The following DDX42 variants were observed in gnomAD, a reference collection of about 807,000 sequenced individuals.
The protein encoded by DDX42 is DEAD-box helicase 42.
Under a neutral mutation model 101.5 loss-of-function variants are expected in DDX42, and 22 were observed. The observed-to-expected ratio is 0.22, with a 90% CI of 0.15 to 0.31. DDX42 has a LOEUF of 0.31. DDX42 is among the 10% of genes least tolerant of loss of function. The pLI is 1.00. For synonymous variants in DDX42, 402 were observed against 401.2 expected (o/e 1.00, Z -0.02); for missense variants, 849 against 1,199.9 (o/e 0.71, Z 4.32).
chr17:63,800,575 C>T lies in DDX42; in HGVS notation c.579C>T (p.Thr193=). ...GTGACGGAAATCCAATTGCACCTAC[C>T]AAAAAAATCATTGATCCTCTTCCCC... ...YDSDGNPIAP[T]KKIIDPLPPI... The change falls in exon 6 of 18, where the codon ACC becomes ACT. Residue 193 remains threonine, a synonymous_variant. Transcript: ENST00000389924. 1.2e-6 allele frequency: 2 copies of T among 1,613,812 alleles called. No individual in the cohort carries two copies.
chr17:63,783,734 G>T (rs1598323024), intron 1 of DDX42, among the ~76,000 whole-genome samples: 1 of 152,046 alleles, frequency 6.6e-6, no homozygotes, highest in South Asian at 2.1e-4. Context: ...GGAGTTAAGG[G>T]TCTAAGTAGA....
chr17:63,803,316 C>T (rs893018121), intron 6 of DDX42, among the ~76,000 whole-genome samples: 2 of 151,762 alleles, frequency 1.3e-5, no homozygotes, highest in African/African-American at 2.4e-5. Flanking sequence ...GGGCTGGGTG[C>T]GGTGGCTCAT....
intron 1 of DDX42, among the ~76,000 whole-genome samples, chr17:63,780,342 T>A (rs1423762158): frequency 6.6e-6 from 1 of 151,844 alleles, no homozygotes; most frequent in African/African-American, 2.4e-5. Flanking sequence ...GTCAAGAGAC[T>A]TAAGTAATGA....
intron 1 of DDX42, among the ~76,000 whole-genome samples, chr17:63,776,517 C>T (rs930269090): frequency 1.3e-5 from 2 of 152,126 alleles, no homozygotes; most frequent in Non-Finnish European, 2.9e-5. Context: ...GAAATTGGTT[C>T]TTCAGAAATA....
chr17:63,793,046 T>G (rs2039648242), intron 3 of DDX42, among the ~76,000 whole-genome samples: 1 of 152,208 alleles, frequency 6.6e-6, no homozygotes, highest in Non-Finnish European at 1.5e-5. Flanking sequence ...TTTGTGATTT[T>G]GTGTTATTTT....
In DDX42 at chr17:63,808,362, C is replaced by T. The variant is rs903440844; in HGVS notation, c.1024-458C>T. Among the ~76,000 whole-genome samples the T allele has an allele frequency of 5.3e-5, 8 of 151,988 alleles. No homozygotes were observed. In the South Asian group the frequency reaches 8.3e-4, roughly 16 times the overall value. The stretch of plus-strand genomic sequence containing the variant: ...CTAATTTTTTTATTTTTAGTAGAGA[C>T]GGGGTTTCACCATGTTGGCCAGGCT... On this transcript the variant is annotated intron_variant, in intron 9 of 17. Coordinates refer to ENST00000389924, the MANE Select transcript of DDX42 (RefSeq NM_203499.3).
intron 2 of DDX42, among the ~76,000 whole-genome samples, chr17:63,788,310 CTTTTTTTTTT>C (rs370584285): frequency 1.6e-4 from 19 of 121,484 alleles, no homozygotes; most frequent in Non-Finnish European, 2.4e-4. Context: ...ACATCTGAGT[CTTTTTTTTTT>C]TTTTTTTTGA....
In DDX42 at chr17:63,778,423, C is replaced by T. The variant is rs1366636606; in HGVS notation, c.-17+4047C>T. ...CTGACTTAAGTCTGCAATAGCTTGC[C>T]TCTTACCCTCTTGCTTGCTTTTCAT... On this transcript the variant is annotated intron_variant, in intron 1 of 17. Coordinates refer to ENST00000389924, the MANE Select transcript of DDX42 (RefSeq NM_203499.3). 2.0e-5 allele frequency among the ~76,000 whole-genome samples: 3 copies of T among 152,286 alleles called. No homozygotes were observed. The East Asian group carries it at 5.8e-4, about 29-fold the overall frequency.
At chr17:63,810,148 C>T (rs934627485) in intron 11 of DDX42, 17 of 205,504 alleles carry the variant, frequency 8.3e-5, no homozygotes, top group African/African-American at 1.2e-4. Flanking sequence ...TGCAGTGCAG[C>T]GGTGCGATCT....
At chr17:63,784,771 TAAAA>T (rs1301389212) in intron 1 of DDX42, among the ~76,000 whole-genome samples, 3 of 138,720 alleles carry the variant, frequency 2.2e-5, no homozygotes, top group African/African-American at 5.0e-5. Context: ...GAACTTGTCT[TAAAA>T]AAAGATTTTT....
chr17:63,809,733 G>T, intron 11 of DDX42, 74 bp downstream of exon 11: 2 of 1,241,942 alleles, frequency 1.6e-6, no homozygotes, highest in Non-Finnish European at 2.4e-6. Flanking sequence ...TTTCTAGACT[G>T]TTTTTTCAGC....
At position 63,806,667 on chromosome 17, in the gene DDX42, T is replaced by C. The variant is rs757203747; in HGVS notation, c.846+13T>C. 16 of 1,592,680 alleles carry C rather than the reference T, an allele frequency of 1.0e-5. No homozygotes were observed. The highest frequency in any genetic ancestry group is 2.7e-5 in the African/African-American group (2 of 73,770). On this transcript the variant is annotated intron_variant, in intron 8 of 17. Transcript: ENST00000389924. The stretch of plus-strand genomic sequence containing the variant: ...AATACAGTGCCAGGTAAGTAAAACA[T>C]AATGAAAGAAAAATAAAGTAGGGTA...
At chr17:63,775,658 G>A (rs1281014966) in intron 1 of DDX42, among the ~76,000 whole-genome samples, 1 of 152,126 alleles carries the variant, frequency 6.6e-6, no homozygotes, top group Non-Finnish European at 1.5e-5. Context: ...AAGCTGGCCC[G>A]TTAAGAGTGT....
chr17:63,790,254 A>G (rs982975090), intron 2 of DDX42, among the ~76,000 whole-genome samples: 3 of 152,220 alleles, frequency 2.0e-5, no homozygotes, highest in Non-Finnish European at 4.4e-5. Context: ...ATCGTATAGT[A>G]TATAGCGTGA....
intron 10 of DDX42, 130 bp downstream of exon 10, chr17:63,809,078 G>T: frequency 7.5e-7 from 1 of 1,338,500 alleles, no homozygotes; most frequent in African/African-American, 1.5e-5. Context: ...ACGGCAGGCT[G>T]TGGTTTTAAT....
chr17:63,802,676 C>T (rs1400417196), intron 6 of DDX42, among the ~76,000 whole-genome samples: 1 of 151,798 alleles, frequency 6.6e-6, no homozygotes, highest in South Asian at 2.1e-4. Flanking sequence ...TTTGGGAGGC[C>T]GAGGCGGGTG....
intron 11 of DDX42, 31 bp downstream of exon 11, chr17:63,809,690 C>A (rs1258045371): frequency 6.4e-7 from 1 of 1,562,704 alleles, no homozygotes; most frequent in African/African-American, 1.4e-5. Context: ...TCTTCTGTCC[C>A]CATCCTCATG....
intron 2 of DDX42, among the ~76,000 whole-genome samples, chr17:63,787,646 C>T (rs1240448993): frequency 6.6e-6 from 1 of 152,032 alleles, no homozygotes; most frequent in South Asian, 2.1e-4. Context: ...TGAGAACAGC[C>T]TGGCCAATAT....
Position 63,815,593 on chromosome 17 carries a change from G to T in DDX42, c.1933G>T (p.Gly645Ter). The T allele has an allele frequency of 6.2e-7, 1 of 1,613,874 alleles. No homozygotes were observed. Among genetic ancestry groups the T allele is most frequent in the South Asian group, 1.1e-5 (1 of 91,020 alleles). Residue 645 changes from glycine to a stop codon, truncating the protein, a stop_gained, in exon 16 of 18, where the codon GGA (glycine) becomes TGA (stop). Coordinates refer to ENST00000389924, the MANE Select transcript of DDX42 (RefSeq NM_203499.3). LOFTEE classifies it high-confidence loss of function. ...NAWFRKSRFK[G>*]GKGKKLNIGG... ...CTGGTTTCGGAAATCTCGATTCAAA[G>T]GAGGGAAAGGAAAAAAGCTGAACAT...
Sources: allele counts gnomAD v4.1 joint callset (sites outside exome capture counted in the v4.1 genomes callset), GRCh38; gene constraint gnomAD v4.1.1; transcripts MANE v1.5; gene names NCBI Gene and HGNC (gene_info 2026-07-23, HGNC 2026-07-21).